CDC73: variants seen among roughly 807,000 people sequenced by gnomAD.
CDC73 encodes the protein cell division cycle 73, also known as parafibromin.
CDC73 carries 21 observed loss-of-function variants against 83.7 expected under a neutral mutation model. That is an observed-to-expected ratio of 0.25 (90% CI 0.18 to 0.36). The LOEUF (loss-of-function observed/expected upper bound fraction) is 0.36. CDC73 is among the 10% of genes least tolerant of loss of function. The pLI is 1.00. For missense variants in CDC73, 342 were observed against 653.3 expected (o/e 0.52, Z 5.19); for synonymous variants, 224 against 212.9 (o/e 1.05, Z -0.45).
At chr1:193,192,952 A>G (rs796651793) in intron 10 of CDC73, among the ~76,000 whole-genome samples, 7 of 152,322 alleles carry the variant, frequency 4.6e-5, no homozygotes, top group African/African-American at 1.7e-4. Flanking sequence ...CTGTTAACTC[A>G]AGGTAAGAGA....
chr1:193,190,343 A>C (rs1355708212), intron 10 of CDC73, among the ~76,000 whole-genome samples: 3 of 152,206 alleles, frequency 2.0e-5, no homozygotes, highest in Non-Finnish European at 2.9e-5. Context: ...TTTTCATTAC[A>C]TAAGGGATTT....
chr1:193,149,623 T>C (rs1024314198), intron 8 of CDC73, among the ~76,000 whole-genome samples: 5 of 152,208 alleles, frequency 3.3e-5, no homozygotes, highest in African/African-American at 1.2e-4. Flanking sequence ...CATATACTTA[T>C]CATTCTTGAT....
chr1:193,203,872 C>G lies in CDC73; in HGVS notation c.1030+20C>G. ...GACCAGGTAGAAATATAGAACTTTG[C>G]TTTTTGTTTTCTTTCAAAAGATCGT... On this transcript the variant is annotated intron_variant, in intron 11 of 16. Transcript: ENST00000367435. 1 of 1,610,166 alleles carries G rather than the reference C, an allele frequency of 6.2e-7. No homozygotes were observed.
chr1:193,180,974 G>A, intron 10 of CDC73: 5 of 1,613,380 alleles, frequency 3.1e-6, no homozygotes, highest in African/African-American at 1.3e-5. Flanking sequence ...TAGCCATTTA[G>A]CTTAATACTT....
chr1:193,153,992 A>G (rs1676164364), intron 10 of CDC73, among the ~76,000 whole-genome samples: 1 of 152,190 alleles, frequency 6.6e-6, no homozygotes, highest in African/African-American at 2.4e-5. Flanking sequence ...ACTAAGGGAA[A>G]AGTCATCAGG....
chr1:193,183,115 T>C (rs1237071289), intron 10 of CDC73, among the ~76,000 whole-genome samples: 1 of 151,930 alleles, frequency 6.6e-6, no homozygotes, highest in Non-Finnish European at 1.5e-5. Context: ...CCTCATGTAA[T>C]TGAATAGTTA....
chr1:193,214,483 C>T (rs967796314), intron 13 of CDC73, among the ~76,000 whole-genome samples: 1 of 152,026 alleles, frequency 6.6e-6, no homozygotes, highest in Admixed American at 6.6e-5. Flanking sequence ...TTTGGGAGGC[C>T]GAGGTGGGTG....
At chr1:193,125,256 G>A (rs1206452804) in intron 2 of CDC73, 39 bp downstream of exon 2, 6 of 1,205,494 alleles carry the variant, frequency 5.0e-6, no homozygotes, top group Non-Finnish European at 7.4e-6. Flanking sequence ...CTATTTATCA[G>A]TTTTATTTTT....
Position 193,217,102 on chromosome 1 carries a change from C to T in CDC73, c.1154+4625C>T, listed in dbSNP as rs564558961. Reference sequence around the variant, plus strand: ...ACAGGAAATGTTCCTTTGTCTCCCTCCCAGGGCTTGCGGTGGGGGTGTGGC... The same window carrying T: ...ACAGGAAATGTTCCTTTGTCTCCCTTCCAGGGCTTGCGGTGGGGGTGTGGC... On this transcript the variant is annotated intron_variant, in intron 13 of 16. Transcript: ENST00000367435. Among the ~76,000 whole-genome samples the T allele has an allele frequency of 2.9e-4, 44 of 152,300 alleles. 1 individual carries two copies. The South Asian group carries it at 8.9e-3, about 31-fold the overall frequency.
intron 2 of CDC73, chr1:193,128,102 TGAAA>T: frequency 6.6e-6 from 1 of 152,352 alleles, no homozygotes; most frequent in South Asian, 2.1e-4. Context: ...CAGACCACTC[TGAAA>T]ACAGATTCCT....
intron 10 of CDC73, among the ~76,000 whole-genome samples, chr1:193,172,338 CT>C (rs1237743828): frequency 7.0e-6 from 1 of 143,434 alleles, no homozygotes; most frequent in African/African-American, 2.6e-5. Flanking sequence ...TATGAGGTTT[CT>C]TTTTTTTGTA....
intron 15 of CDC73, 74 bp from the exon 16 acceptor site, chr1:193,249,656 G>A: frequency 1.8e-6 from 2 of 1,134,700 alleles, no homozygotes; most frequent in South Asian, 1.3e-5. Flanking sequence ...GGCTTCAGTT[G>A]GTGGAATAAA....
chr1:193,242,265 T>A (rs1677876391), intron 15 of CDC73, among the ~76,000 whole-genome samples: 1 of 152,126 alleles, frequency 6.6e-6, no homozygotes, highest in Admixed American at 6.5e-5. Flanking sequence ...AGCATGAACC[T>A]CCTATCTGGA....
chr1:193,122,253 T>G lies in CDC73; in HGVS notation c.53T>G (p.Ile18Ser). 6.2e-7 allele frequency: 1 copy of G among 1,613,768 alleles called. No homozygotes were observed. The highest frequency in any genetic ancestry group is 8.5e-7 in the Non-Finnish European group (1 of 1,179,862). The change falls in exon 1 of 17, where the codon ATT (isoleucine) becomes AGT (serine). Residue 18 changes from isoleucine (I) to serine (S), a missense_variant. Ile to Ser is a moderately radical substitution (Grantham distance 142). Transcript: ENST00000367435. ...LRQYNIQKKE[I>S]VVKGDEVIFG... ...CAGTACAACATCCAGAAGAAGGAGA[T>G]TGTGGTGAAGGGAGACGAAGTGATC... is the stretch of plus-strand genomic sequence containing the variant.
At chr1:193,134,687 A>G (rs1433967330) in intron 3 of CDC73, among the ~76,000 whole-genome samples, 1 of 152,098 alleles carries the variant, frequency 6.6e-6, no homozygotes, top group African/African-American at 2.4e-5. Context: ...AGTAAAGGAA[A>G]TGCTCTACTT....
chr1:193,150,837 T>C (rs1427813998), intron 9 of CDC73, among the ~76,000 whole-genome samples: 2 of 152,208 alleles, frequency 1.3e-5, no homozygotes, highest in African/African-American at 4.8e-5. Flanking sequence ...TTATTGTGAG[T>C]ATTGGACTGG....
intron 5 of CDC73, among the ~76,000 whole-genome samples, chr1:193,136,255 A>G (rs753182788): frequency 3.3e-5 from 5 of 152,180 alleles, no homozygotes; most frequent in South Asian, 2.1e-4. Flanking sequence ...CAGAAAACAG[A>G]TGGCGGGCCA....
At chr1:193,230,457 ATTTTTTTTTTTTTTTTT>A (rs752027731) in intron 13 of CDC73, among the ~76,000 whole-genome samples, 2 of 90,718 alleles carry the variant, frequency 2.2e-5, no homozygotes, top group Non-Finnish European at 4.1e-5. Context: ...CTAATCCCGT[ATTTTTTTTTTTTTTTTT>A]TTTTTTTTTT....
intron 11 of CDC73, among the ~76,000 whole-genome samples, 185 bp from the exon 12 acceptor site, chr1:193,211,879 GT>G (rs1677285317): frequency 6.6e-6 from 1 of 152,142 alleles, no homozygotes; most frequent in South Asian, 2.1e-4. Flanking sequence ...ACTACAGATT[GT>G]TGAATAATGC....
Sources: gnomAD v4.1 joint callset for allele counts (sites outside exome capture counted in the v4.1 genomes callset) on GRCh38, gnomAD v4.1.1 for gene constraint, MANE v1.5 for transcripts, NCBI Gene and HGNC (gene_info 2026-07-23, HGNC 2026-07-21) for gene names.